Variants in ASPSCR1 observed in about 807,000 individuals in gnomAD.
ASPSCR1 encodes tether containing UBX domain for GLUT4.
A neutral mutation model predicts 68.9 loss-of-function variants in ASPSCR1; 55 were observed. The observed-to-expected ratio is 0.80, with a 90% CI of 0.64 to 1.00. ASPSCR1 has a LOEUF of 1.00. Ranked by LOEUF, ASPSCR1 falls within the 50% of genes least tolerant of loss-of-function variation. The probability of loss-of-function intolerance (pLI) is 0.00; values close to 1 mark genes in which losing one functional copy is unlikely to be tolerated. For missense variants in ASPSCR1, 765 were observed against 762.2 expected, an observed-to-expected ratio of 1.00 and a Z score of -0.04; for synonymous variants, 352 against 332.6, an observed-to-expected ratio of 1.06 and a Z score of -0.63.
chr17:81,979,124 C>G lies in ASPSCR1; in HGVS notation c.103-60C>G. 3 of 1,582,198 alleles carry G rather than the reference C, an allele frequency of 1.9e-6. No homozygotes were observed. The Admixed American group carries it at 5.0e-5, about 26-fold the overall frequency. On this transcript the variant is annotated intron_variant, in intron 1 of 15. Transcript: ENST00000306739. ...GCTGAATGCCCTTGGCTGACCTGGC[C>G]CACTGCGCCCGCCAGCCCTGCACAC...
rs79781074 is a variant in ASPSCR1 at position 81,992,365 on chromosome 17, G to A, written c.375-2456G>A. ...GCCCACCACCCCTCCCTGAGATCCC[G>A]CATGAGGGAGGGAATCTGATCCCTC... is the stretch of plus-strand genomic sequence containing the variant. On this transcript the variant is annotated intron_variant, in intron 4 of 15. Transcript: ENST00000306739. Among the ~76,000 whole-genome samples, 5 of 152,266 alleles carry A rather than the reference G, an allele frequency of 3.3e-5. No homozygotes were observed. The East Asian group carries it at 5.8e-4, about 18-fold the overall frequency.
chr17:81,996,997 C>G (rs1250879478), intron 7 of ASPSCR1, 151 bp downstream of exon 7: 3 of 1,452,724 alleles, frequency 2.1e-6, no homozygotes, highest in Non-Finnish European at 2.7e-6. Flanking sequence ...GGGCTCTGGA[C>G]AGGAGCCTTC....
chr17:82,001,995 TC>T (rs933941002), intron 7 of ASPSCR1, among the ~76,000 whole-genome samples: 3 of 148,658 alleles, frequency 2.0e-5, no homozygotes, highest in East Asian at 2.0e-4. Context: ...CTTTTTTTTT[TC>T]TTTTTCCTTT....
rs1233488283 is a variant in ASPSCR1 at position 81,996,074 on chromosome 17, A to G, written c.506+9A>G. 6.3e-7 allele frequency: 1 copy of G among 1,598,438 alleles called. No individual in the cohort carries two copies. The highest frequency in any genetic ancestry group is 1.8e-5 in the Admixed American group (1 of 56,972). The stretch of plus-strand genomic sequence containing the variant: ...GGCAGCGCCACCATCAGGTAAGGGC[A>G]GTGCTGCTGGGGCCGAGGAGTCTAT... On this transcript the variant is annotated intron_variant, in intron 6 of 15. Transcript: ENST00000306739.
intron 5 of ASPSCR1, 112 bp downstream of exon 5, chr17:81,994,990 T>C (rs1295384548): frequency 1.1e-5 from 13 of 1,195,756 alleles, no homozygotes; most frequent in Non-Finnish European, 1.4e-5. Flanking sequence ...AGACTCGGGC[T>C]CTTGAAAGCA....
chr17:82,010,552 A>AC (rs2042902062), intron 9 of ASPSCR1, among the ~76,000 whole-genome samples: 2 of 150,742 alleles, frequency 1.3e-5, no homozygotes, highest in East Asian at 2.0e-4. Flanking sequence ...AAAAAAAAAA[A>AC]CCAGCACATT....
intron 4 of ASPSCR1, among the ~76,000 whole-genome samples, chr17:81,991,545 G>A (rs570227214): frequency 1.3e-4 from 20 of 152,246 alleles, no homozygotes; most frequent in Admixed American, 9.8e-4. Flanking sequence ...TCTGCGGCCC[G>A]TCCCTGTCCA....
chr17:81,992,599 CT>C (rs2042207905), intron 4 of ASPSCR1, among the ~76,000 whole-genome samples: 1 of 152,222 alleles, frequency 6.6e-6, no homozygotes, highest in East Asian at 1.9e-4. Flanking sequence ...CTGTGTCATG[CT>C]GGGGAGCGGG....
intron 7 of ASPSCR1, among the ~76,000 whole-genome samples, chr17:81,998,118 C>T (rs546770586): frequency 9.9e-5 from 15 of 152,244 alleles, no homozygotes; most frequent in African/African-American, 3.4e-4. Flanking sequence ...TGAGCCACCG[C>T]GCCCAGCCTA....
chr17:82,006,493 A>G (rs1385672821), intron 7 of ASPSCR1: 1 of 152,160 alleles, frequency 6.6e-6, no homozygotes, highest in Admixed American at 6.5e-5. Context: ...GGGCTGAAAT[A>G]TTTCAAAATA....
intron 3 of ASPSCR1, among the ~76,000 whole-genome samples, chr17:81,985,026 C>G (rs1303995072): frequency 1.6e-5 from 2 of 128,032 alleles, no homozygotes; most frequent in East Asian, 4.6e-4. Flanking sequence ...ACCGCCCACA[C>G]CAACATGCAC....
At chr17:82,007,331 G>A (rs1309048354) in intron 7 of ASPSCR1, 5 of 152,280 alleles carry the variant, frequency 3.3e-5, no homozygotes, top group South Asian at 4.1e-4. Flanking sequence ...GGAATCTAGG[G>A]TGGATCCACA....
At chr17:82,011,628 A>C in intron 11 of ASPSCR1, 23 bp downstream of exon 11, 1 of 1,600,568 alleles carries the variant, frequency 6.2e-7, no homozygotes, top group South Asian at 1.1e-5. Flanking sequence ...TCCTGAGCCC[A>C]CTCCTGCCTC....
In ASPSCR1 at chr17:81,983,514, G is replaced by T; in HGVS notation, c.159-40G>T. 1 of 1,530,014 alleles carries T rather than the reference G, an allele frequency of 6.5e-7. No individual in the cohort carries two copies. Among genetic ancestry groups the T allele is most frequent in the African/African-American group, 1.4e-5 (1 of 73,570 alleles). The allele number at this position is 1,530,014 out of a possible 1,614,324, so 94.8% of individuals were successfully genotyped here. ...GGGCGTGGATGGCAGGGCGTGTCAG[G>T]CTCTGCAGGGCAGCAAGTGTGCTCT... On this transcript the variant is annotated intron_variant, in intron 2 of 15. Transcript: ENST00000306739. This position sits in a 1 kb window ranked among gnomAD's most constrained non-coding sequence, Gnocchi z 4.4.
intron 6 of ASPSCR1, 117 bp downstream of exon 6, chr17:81,996,182 A>G: frequency 1.5e-6 from 2 of 1,351,222 alleles, no homozygotes; most frequent in Non-Finnish European, 2.0e-6. Flanking sequence ...GGCCCTCATC[A>G]TGGAGAGCGC....
At chr17:82,009,847 C>A in intron 9 of ASPSCR1, 1 of 358,320 alleles carries the variant, frequency 2.8e-6, no homozygotes, top group South Asian at 2.8e-5. Context: ...GAGCAGGGCC[C>A]CCCCGTGGTG....
intron 2 of ASPSCR1, among the ~76,000 whole-genome samples, chr17:81,980,988 G>T (rs990456961): frequency 1.1e-4 from 17 of 152,130 alleles, no homozygotes; most frequent in African/African-American, 3.9e-4. Context: ...AACATAGTGA[G>T]ACCCTGTCTC....
chr17:81,993,674 G>A (rs900345056), intron 4 of ASPSCR1, among the ~76,000 whole-genome samples: 5 of 152,322 alleles, frequency 3.3e-5, no homozygotes, highest in African/African-American at 4.8e-5. Flanking sequence ...CGTATGTCTC[G>A]ACCTGGACAC....
intron 7 of ASPSCR1, chr17:82,006,605 C>T (rs1235035507): frequency 1.3e-5 from 2 of 152,236 alleles, no homozygotes; most frequent in African/African-American, 2.4e-5. Flanking sequence ...CCCCGGTTGA[C>T]GTCATTTTTG....
Sources: allele counts gnomAD v4.1 joint callset (sites outside exome capture counted in the v4.1 genomes callset), GRCh38; gene constraint gnomAD v4.1.1; non-coding constraint Gnocchi (gnomAD v3.1); transcripts MANE v1.5; gene names NCBI Gene and HGNC (gene_info 2026-07-23, HGNC 2026-07-21).